Variants in PEG3 observed in about 807,000 individuals in gnomAD.
PEG3 encodes paternally expressed 3.
PEG3 carries 23 observed loss-of-function variants against 35.5 expected under a neutral mutation model. The observed-to-expected ratio is 0.65, with a 90% confidence interval of 0.47 to 0.92. The LOEUF (loss-of-function observed/expected upper bound fraction) is 0.92, where lower values mean the gene tolerates loss of function less well. PEG3 is among the 40% of genes least tolerant of loss of function. The pLI is 0.00. For synonymous variants in PEG3, 707 were observed against 697.0 expected (o/e 1.01, Z -0.23); for missense variants, 1,960 against 1,985.3 (o/e 0.99, Z 0.24).
In PEG3 at chr19:56,811,701, C is replaced by T. The variant is rs2059553998; in HGVS notation, c.*1974G>A. 1 of 985,438 alleles carries T rather than the reference C, an allele frequency of 1.0e-6. No homozygotes were observed. The highest frequency in any genetic ancestry group is 1.2e-6 in the Non-Finnish European group (1 of 830,002). 61.0% of individuals were successfully genotyped at this position (985,438 alleles called of 1,614,324 possible). On this transcript the variant is annotated 3_prime_UTR_variant, in exon 10 of 10. Coordinates refer to ENST00000326441, the MANE Select transcript of PEG3 (RefSeq NM_006210.3). ...AGTCCTTTTCCCATGTAGTAAACCT[C>T]ACTGCCCCTCAGCTTTCCCGATGTC...
rs1462918035 is a variant in PEG3 at position 56,810,956 on chromosome 19, G to A, written c.*2719C>T. The stretch of plus-strand genomic sequence containing the variant: ...AACATTTGAAAAAATTAAAGTGAAA[G>A]TATTTAACCATAATTCCACAAAGGT... On this transcript the variant is annotated 3_prime_UTR_variant, in exon 10 of 10. Transcript: ENST00000326441. 1 of 969,846 alleles carries A rather than the reference G, an allele frequency of 1.0e-6. No homozygotes were observed. Among genetic ancestry groups the A allele is most frequent in the Non-Finnish European group, 1.2e-6 (1 of 815,766 alleles). The allele number at this position is 969,846 out of a possible 1,614,324, so 60.1% of individuals were successfully genotyped here.
Position 56,823,638 on chromosome 19 carries a change from G to T in PEG3, c.436C>A (p.Arg146=). 6.2e-7 allele frequency: 1 copy of T among 1,614,076 alleles called. No individual in the cohort carries two copies. Among genetic ancestry groups the T allele is most frequent in the Non-Finnish European group, 8.5e-7 (1 of 1,179,994 alleles). The change falls in exon 5 of 10, where the codon CGG becomes AGG. Residue 146 remains arginine (R), a synonymous_variant. Coordinates refer to ENST00000326441, the MANE Select transcript of PEG3 (RefSeq NM_006210.3). Reference sequence around the variant, plus strand: ...GGTGGTGAGGACTCTCTTCTGTTCCGGGTCATGTCGTCGTCGCTGGTCACG... The same window carrying T: ...GGTGGTGAGGACTCTCTTCTGTTCCTGGTCATGTCGTCGTCGCTGGTCACG... The part of the protein sequence containing the change: ...SDVTSDDDMT[R]NRRESSPPHS...
intron 8 of PEG3, 146 bp downstream of exon 8, chr19:56,818,454 C>T (rs1414043431): frequency 2.3e-6 from 2 of 867,166 alleles, no homozygotes; most frequent in African/African-American, 3.4e-5. Context: ...CATTTACTCC[C>T]TCATTTGAAA....
At chr19:56,838,432 A>G (rs1250326546) in intron 1 of PEG3, among the ~76,000 whole-genome samples, 3 of 152,096 alleles carry the variant, frequency 2.0e-5, no homozygotes, top group Non-Finnish European at 4.4e-5. Flanking sequence ...TCTCAGCCCT[A>G]TCAGTCCCGA....
chr19:56,816,829 T>G lies in PEG3; in HGVS notation c.1613A>C (p.Gln538Pro). The G allele has an allele frequency of 6.2e-7, 1 of 1,614,202 alleles. No homozygotes were observed. Among genetic ancestry groups the G allele is most frequent in the South Asian group, 1.1e-5 (1 of 91,078 alleles). ...ARGYLVECKNQECEEAFMPSP... is the reference protein window; with the variant it reads ...ARGYLVECKNPECEEAFMPSP... Reference sequence around the variant, plus strand: ...AGGCATGAAGGCTTCCTCACATTCCTGATTCTTACATTCCACAAGATAACC... The same window carrying G: ...AGGCATGAAGGCTTCCTCACATTCCGGATTCTTACATTCCACAAGATAACC... The change falls in exon 10 of 10, where the codon CAG (glutamine) becomes CCG (proline). Residue 538 changes from glutamine to proline, a missense_variant. Physicochemically the swap from Gln to Pro is moderately conservative, Grantham distance 76. Transcript: ENST00000326441.
intron 1 of PEG3, among the ~76,000 whole-genome samples, chr19:56,836,864 AG>A (rs2062169245): frequency 6.6e-6 from 1 of 150,836 alleles, no homozygotes; most frequent in African/African-American, 2.4e-5. Flanking sequence ...GCTACTCTGA[AG>A]AGGCTGGGGT....
Position 56,814,042 on chromosome 19 carries a change from T to G in PEG3, c.4400A>C (p.Glu1467Ala). ...GIEDPEERAEEPEGKAEEPEG... is the reference protein window; with the variant it reads ...GIEDPEERAEAPEGKAEEPEG... ...TGGCTCTTCAGCTTTTCCCTCTGGC[T>G]CTTCAGCTCTTTCTTCTGGGTCTTC... The change falls in exon 10 of 10, where the codon GAG becomes GCG. Residue 1467 changes from glutamate to alanine, a missense_variant. By Grantham distance (107) the Glu-to-Ala change is moderately radical. Around this residue, in one of 5 missense-constraint regions of PEG3, gnomAD observed 416 missense variants for 416.7 expected, o/e 1.00. Transcript: ENST00000326441. The surrounding 1 kb of genome is among the most constrained non-coding windows in gnomAD (Gnocchi z 5.8). The G allele has an allele frequency of 6.2e-7, 1 of 1,614,200 alleles. No homozygotes were observed. Among genetic ancestry groups the G allele is most frequent in the Non-Finnish European group, 8.5e-7 (1 of 1,180,030 alleles).
intron 7 of PEG3, among the ~76,000 whole-genome samples, chr19:56,819,396 T>G (rs2060270285): frequency 6.6e-6 from 1 of 152,212 alleles, no homozygotes; most frequent in South Asian, 2.1e-4. Flanking sequence ...AAAAGGAATT[T>G]TAAAATTCCT....
intron 8 of PEG3, 147 bp downstream of exon 8, chr19:56,818,453 C>T: frequency 1.2e-6 from 1 of 850,388 alleles, no homozygotes; most frequent in South Asian, 1.9e-5. Flanking sequence ...TCATTTACTC[C>T]CTCATTTGAA....
In PEG3 at chr19:56,812,054, C is replaced by T. The variant is rs2059576430; in HGVS notation, c.*1621G>A. The T allele has an allele frequency of 1.0e-6, 1 of 983,178 alleles. No homozygotes were observed. Among genetic ancestry groups the T allele is most frequent in the Non-Finnish European group, 1.2e-6 (1 of 828,060 alleles). The allele number at this position is 983,178 out of a possible 1,614,324, so 60.9% of individuals were successfully genotyped here. A position where few individuals can be genotyped will look rare whatever the true frequency, so the allele number is the denominator to read the frequency against. On this transcript the variant is annotated 3_prime_UTR_variant, in exon 10 of 10. Transcript: ENST00000326441. The stretch of plus-strand genomic sequence containing the variant: ...AGAAGAGTAAGATTCAGACACATTT[C>T]CCCCAGTGGGTACTTTAATTTTGCT...
At chr19:56,822,131 G>A (rs926843281) in intron 6 of PEG3, among the ~76,000 whole-genome samples, 7 of 152,208 alleles carry the variant, frequency 4.6e-5, no homozygotes, top group African/African-American at 1.2e-4. Flanking sequence ...CAGGGTCATG[G>A]CTCTGAACAA....
At chr19:56,830,612 G>T (rs60539707) in intron 2 of PEG3, among the ~76,000 whole-genome samples, 1 of 152,098 alleles carries the variant, frequency 6.6e-6, no homozygotes, top group African/African-American at 2.4e-5. Flanking sequence ...AAAAAGAAAA[G>T]TATAAATATG....
rs1323449635 is a variant in PEG3, at chr19:56,816,181, G to C, written c.2261C>G (p.Ser754Cys). ...DEDEKAFTISSNPYENQKIPT... is the reference protein window; with the variant it reads ...DEDEKAFTISCNPYENQKIPT... ...AATCTTCTGGTTTTCATAGGGGTTAGAGCTAATGGTGAACGCCTTTTCGTC... is the reference window on the plus strand; with the variant it reads ...AATCTTCTGGTTTTCATAGGGGTTACAGCTAATGGTGAACGCCTTTTCGTC... The change falls in exon 10 of 10, where the codon TCT (serine) becomes TGT (cysteine). Residue 754 changes from serine to cysteine, a missense_variant. This residue lies in a region of PEG3 where 798 missense variants were observed against 782.4 expected (regional missense o/e 1.02). Transcript: ENST00000326441. The C allele has an allele frequency of 6.2e-7, 1 of 1,614,006 alleles. No individual in the cohort carries two copies. Among genetic ancestry groups the C allele is most frequent in the African/African-American group, 1.3e-5 (1 of 74,932 alleles).
chr19:56,813,446 T>TG lies in PEG3; in HGVS notation c.*228dup. 7.3e-7 allele frequency: 1 copy of TG among 1,368,702 alleles called. No individual in the cohort carries two copies. The highest frequency in any genetic ancestry group is 1.8e-5 in the South Asian group (1 of 54,904). The allele number at this position is 1,368,702 out of a possible 1,614,324, so 84.8% of individuals were successfully genotyped here. On this transcript the variant is annotated 3_prime_UTR_variant, in exon 10 of 10. Coordinates refer to ENST00000326441, the MANE Select transcript of PEG3 (RefSeq NM_006210.3). ...TGATTACTTGGAAAGGTAAGATGTG[T>TG]GCTATGGCTTTCCCACATGCAGACA...
intron 7 of PEG3, among the ~76,000 whole-genome samples, chr19:56,818,983 G>A (rs1010817258): frequency 2.6e-5 from 4 of 152,266 alleles, no homozygotes; most frequent in African/African-American, 9.6e-5. Context: ...AACAATTAGA[G>A]AACAATAAAC....
chr19:56,812,116 TTTTTTTAAA>T lies in PEG3; in HGVS notation c.*1550_*1558del. On this transcript the variant is annotated 3_prime_UTR_variant, in exon 10 of 10. Transcript: ENST00000326441. ...TCTACACTTACATTTTGCAAATCTT[TTTTTTTAAA>T]TTTTTTAAATTTTATATTTTTTTTC... is the stretch of plus-strand genomic sequence containing the variant. The T allele has an allele frequency of 2.1e-6, 2 of 968,956 alleles. No individual in the cohort carries two copies. Among genetic ancestry groups the T allele is most frequent in the Non-Finnish European group, 2.5e-6 (2 of 814,940 alleles). 60.0% of individuals were successfully genotyped at this position (968,956 alleles called of 1,614,324 possible).
chr19:56,827,135 G>T (rs184970765), intron 2 of PEG3, among the ~76,000 whole-genome samples: 1 of 152,112 alleles, frequency 6.6e-6, no homozygotes, highest in African/African-American at 2.4e-5. Context: ...AATATTTACC[G>T]TGTTATAAAA....
intron 1 of PEG3, among the ~76,000 whole-genome samples, chr19:56,836,878 G>T (rs577302476): frequency 9.3e-5 from 14 of 149,818 alleles, no homozygotes; most frequent in African/African-American, 3.4e-4. Context: ...GCTGGGGTGG[G>T]AGAATCACTT....
intron 7 of PEG3, among the ~76,000 whole-genome samples, chr19:56,821,320 T>C (rs889454816): frequency 6.6e-6 from 1 of 152,170 alleles, no homozygotes; most frequent in Non-Finnish European, 1.5e-5. Context: ...ACCCACAGCT[T>C]TCCTGGCTCC....
Sources: allele counts gnomAD v4.1 joint callset (sites outside exome capture counted in the v4.1 genomes callset), GRCh38; gene constraint gnomAD v4.1.1; regional missense constraint gnomAD v4.1.1; non-coding constraint Gnocchi (gnomAD v3.1); transcripts MANE v1.5; gene names NCBI Gene and HGNC (gene_info 2026-07-23, HGNC 2026-07-21).